TEAD4: variants seen among roughly 807,000 people sequenced by gnomAD.
The protein encoded by TEAD4 is TEA domain transcription factor 4.
A neutral mutation model predicts 52.4 loss-of-function variants in TEAD4; 36 were observed. The observed-to-expected ratio is 0.69, with a 90% confidence interval of 0.53 to 0.91. TEAD4 has a LOEUF of 0.91. Among genes scored for constraint, TEAD4 ranks in the 40% least tolerant of loss-of-function variants. The pLI is 0.00. For synonymous variants in TEAD4, 220 were observed against 231.0 expected, an observed-to-expected ratio of 0.95 and a Z score of 0.43; for missense variants, 508 against 583.9, an observed-to-expected ratio of 0.87 and a Z score of 1.34.
Position 3,012,211 on chromosome 12 carries a change from C to A in TEAD4, c.333C>A (p.Arg111=). 1.2e-6 allele frequency: 2 copies of A among 1,614,040 alleles called. No homozygotes were observed. The highest frequency in any genetic ancestry group is 8.5e-7 in the Non-Finnish European group (1 of 1,179,988). Residue 111 remains arginine, a synonymous_variant, in exon 5 of 13, where the codon CGC becomes CGA. Coordinates refer to ENST00000359864, the MANE Select transcript of TEAD4 (RefSeq NM_003213.4). ...AGGTGCTGGCTCGTCGCAAAGCTCG[C>A]GAGATCCAGGCCAAGCTAAAGGTAA...
At chr12:2,964,083 A>C (rs1050894238) in intron 2 of TEAD4, among the ~76,000 whole-genome samples, 4 of 151,412 alleles carry the variant, frequency 2.6e-5, no homozygotes, top group African/African-American at 9.7e-5. Flanking sequence ...CTGATGACAC[A>C]TAGGGTGGGC....
intron 2 of TEAD4, among the ~76,000 whole-genome samples, chr12:2,992,164 AC>A (rs2098243679): frequency 6.6e-6 from 1 of 151,282 alleles, no homozygotes; most frequent in African/African-American, 2.4e-5. Context: ...GATTACAGGC[AC>A]CCGCCACCAT....
intron 3 of TEAD4, among the ~76,000 whole-genome samples, chr12:3,001,326 C>A (rs551250790): frequency 6.6e-6 from 1 of 152,218 alleles, no homozygotes; most frequent in Non-Finnish European, 1.5e-5. Flanking sequence ...GTGCAACCAT[C>A]ATCACCATCC....
chr12:3,022,764 A>G (rs2098269595), intron 10 of TEAD4, among the ~76,000 whole-genome samples: 1 of 152,182 alleles, frequency 6.6e-6, no homozygotes, highest in Admixed American at 6.5e-5. Context: ...TAATGAAGCC[A>G]GCGGTGAGGA....
chr12:3,015,688 C>T (rs1591587527), intron 5 of TEAD4, among the ~76,000 whole-genome samples: 1 of 152,358 alleles, frequency 6.6e-6, no homozygotes, highest in East Asian at 1.9e-4. Context: ...AGAGACTCCA[C>T]TCTGTCACCC....
At chr12:3,012,746 G>T (rs111603051) in intron 5 of TEAD4, among the ~76,000 whole-genome samples, 2 of 152,256 alleles carry the variant, frequency 1.3e-5, no homozygotes, top group African/African-American at 4.8e-5. Context: ...TGGCTCTGGG[G>T]GGCCTGATGT....
intron 3 of TEAD4, among the ~76,000 whole-genome samples, chr12:2,998,639 G>A (rs144184720): frequency 4.6e-5 from 7 of 151,862 alleles, no homozygotes; most frequent in African/African-American, 1.7e-4. Context: ...GTGATCTTTC[G>A]GTCCTTTCAA....
chr12:3,030,119 G>C (rs1227859060), intron 10 of TEAD4, among the ~76,000 whole-genome samples: 1 of 152,142 alleles, frequency 6.6e-6, no homozygotes, highest in African/African-American at 2.4e-5. Flanking sequence ...GTGTCCCTGA[G>C]ACCTGTTGCC....
intron 2 of TEAD4, among the ~76,000 whole-genome samples, chr12:2,990,461 C>CTTTT (rs71057876): frequency 0.069 from 4,614 of 66,994 alleles, 941 homozygotes; most frequent in African/African-American, 0.15. Context: ...GACAGATAAT[C>CTTTT]TTTTTTTTTT....
chr12:2,965,856 A>G (rs1220063341), intron 2 of TEAD4, among the ~76,000 whole-genome samples: 4 of 152,002 alleles, frequency 2.6e-5, no homozygotes, highest in Non-Finnish European at 5.9e-5. Flanking sequence ...AAATTTTTTT[A>G]AATTATCATT....
At chr12:3,001,848 T>C (rs948166191) in intron 3 of TEAD4, among the ~76,000 whole-genome samples, 2 of 151,454 alleles carry the variant, frequency 1.3e-5, no homozygotes, top group African/African-American at 4.9e-5. Context: ...CCTAGCACTT[T>C]GGGAGGCCAA....
chr12:2,994,689 C>T lies in TEAD4; in HGVS notation c.-29-49C>T, dbSNP rs1023019787. ...CCCGGAGTGCCTTCATCCCGTGGCC[C>T]ACGCAGTTCTTCCACTGCTCACCGG... is the stretch of plus-strand genomic sequence containing the variant. On this transcript the variant is annotated intron_variant, in intron 2 of 12. Coordinates refer to ENST00000359864, the MANE Select transcript of TEAD4 (RefSeq NM_003213.4). The surrounding 1 kb of genome is among the most constrained non-coding windows in gnomAD (Gnocchi z 4.7). 3.1e-5 allele frequency: 47 copies of T among 1,501,232 alleles called. No homozygotes were observed. The highest frequency in any genetic ancestry group is 4.1e-5 in the Non-Finnish European group (46 of 1,129,816). 93.0% of individuals were successfully genotyped at this position (1,501,232 alleles called of 1,614,324 possible).
chr12:3,013,166 G>A (rs2098261732), intron 5 of TEAD4, among the ~76,000 whole-genome samples: 1 of 151,844 alleles, frequency 6.6e-6, no homozygotes, highest in African/African-American at 2.4e-5. Flanking sequence ...TGCCTGAGCG[G>A]GTCATAAACC....
At chr12:3,006,479 A>G (rs2098255999) in intron 3 of TEAD4, among the ~76,000 whole-genome samples, 1 of 152,160 alleles carries the variant, frequency 6.6e-6, no homozygotes, top group South Asian at 2.1e-4. Context: ...AGATCACCTG[A>G]GGTTGGGAGT....
intron 3 of TEAD4, among the ~76,000 whole-genome samples, chr12:3,001,421 G>T (rs12322215): frequency 0.13 from 20,255 of 152,026 alleles, 2,794 homozygotes; most frequent in African/African-American, 0.35. Context: ...CCCTATAGCC[G>T]CTGGTAGCCT....
intron 2 of TEAD4, among the ~76,000 whole-genome samples, chr12:2,963,666 T>C (rs2098217750): frequency 6.6e-6 from 1 of 152,230 alleles, no homozygotes; most frequent in Non-Finnish European, 1.5e-5. Flanking sequence ...GCTTTTGGTT[T>C]TTCCCGCTAC....
At chr12:2,962,818 C>T (rs960115776) in intron 2 of TEAD4, among the ~76,000 whole-genome samples, 1 of 152,172 alleles carries the variant, frequency 6.6e-6, no homozygotes, top group African/African-American at 2.4e-5. Context: ...GGGACAGTAA[C>T]TTGCTTAATG....
Position 3,011,202 on chromosome 12 carries a change from T to A in TEAD4, c.291+134T>A, listed in dbSNP as rs909329366. Reference sequence around the variant, plus strand: ...GCAGCTCTGGATGAGTTATCCCTGTTGGGCGTGTCACAGGTGGTCCAGTTT... The same window carrying A: ...GCAGCTCTGGATGAGTTATCCCTGTAGGGCGTGTCACAGGTGGTCCAGTTT... On this transcript the variant is annotated intron_variant, in intron 4 of 12. Coordinates refer to ENST00000359864, the MANE Select transcript of TEAD4 (RefSeq NM_003213.4). 1.4e-5 allele frequency: 11 copies of A among 801,476 alleles called. No homozygotes were observed. The African/African-American group carries it at 1.9e-4, about 14-fold the overall frequency. The allele number at this position is 801,476 out of a possible 1,614,324, so 49.6% of individuals were successfully genotyped here. A position where few individuals can be genotyped will look rare whatever the true frequency, so the allele number is the denominator to read the frequency against.
chr12:3,037,420 T>C (rs2098280080), intron 10 of TEAD4, among the ~76,000 whole-genome samples: 1 of 151,926 alleles, frequency 6.6e-6, no homozygotes, highest in Non-Finnish European at 1.5e-5. Context: ...CCAGAGCCGT[T>C]TCTGAGGGAG....
Sources: gnomAD v4.1 joint callset for allele counts (sites outside exome capture counted in the v4.1 genomes callset) on GRCh38, gnomAD v4.1.1 for gene constraint, Gnocchi (gnomAD v3.1) non-coding constraint, MANE v1.5 for transcripts, NCBI Gene and HGNC (gene_info 2026-07-23, HGNC 2026-07-21) for gene names.